CADPS2: variants seen among roughly 807,000 people sequenced by gnomAD.
CADPS2 encodes calcium dependent secretion activator 2, also known as calcium-dependent secretion activator 2.
A neutral mutation model predicts 172.5 loss-of-function variants in CADPS2; 93 were observed. That is an observed-to-expected ratio of 0.54 (90% CI 0.46 to 0.64). The LOEUF (loss-of-function observed/expected upper bound fraction) is 0.64, where lower values mean the gene tolerates loss of function less well. CADPS2 is among the 30% of genes least tolerant of loss of function. The probability of loss-of-function intolerance (pLI) is 0.00; values close to 1 mark genes in which losing one functional copy is unlikely to be tolerated. For synonymous variants in CADPS2, 546 were observed against 555.2 expected, an observed-to-expected ratio of 0.98 and a Z score of 0.23; for missense variants, 1,420 against 1,565.9, an observed-to-expected ratio of 0.91 and a Z score of 1.57.
chr7:122,572,320 A>G (rs536807188), intron 7 of CADPS2, among the ~76,000 whole-genome samples: 18 of 152,208 alleles, frequency 1.2e-4, no homozygotes, highest in Non-Finnish European at 2.5e-4. Flanking sequence ...TCCTCCTTAA[A>G]TCCTTTCAGA....
intron 2 of CADPS2, among the ~76,000 whole-genome samples, chr7:122,688,482 A>G (rs1049929013): frequency 6.6e-6 from 1 of 152,196 alleles, no homozygotes; most frequent in Non-Finnish European, 1.5e-5. Flanking sequence ...AGCTGAAAGA[A>G]AACTCAGGGA....
At chr7:122,337,194 G>C (rs1011081666) in intron 28 of CADPS2, among the ~76,000 whole-genome samples, 2 of 152,148 alleles carry the variant, frequency 1.3e-5, no homozygotes, top group Non-Finnish European at 2.9e-5. Flanking sequence ...CATTAGGATA[G>C]AAAAATAAAA....
At chr7:122,516,697 T>C (rs1160499626) in intron 8 of CADPS2, among the ~76,000 whole-genome samples, 1 of 152,078 alleles carries the variant, frequency 6.6e-6, no homozygotes, top group Middle Eastern at 3.2e-3. Context: ...ATGGGAAAAT[T>C]CTTATAATGT....
chr7:122,318,779 C>G lies in CADPS2; in HGVS notation c.*1386G>C, dbSNP rs1450339478. The G allele has an allele frequency of 6.6e-6, 1 of 152,168 alleles. No individual in the cohort carries two copies. Among genetic ancestry groups the G allele is most frequent in the Non-Finnish European group, 1.5e-5 (1 of 68,028 alleles). 9.4% of individuals were successfully genotyped at this position (152,168 alleles called of 1,614,324 possible). ...GATTAAATAGATTTTTAAGGCTAGTCTAGGTACCTAACGACCACTTATTAC... is the reference window on the plus strand; with the variant it reads ...GATTAAATAGATTTTTAAGGCTAGTGTAGGTACCTAACGACCACTTATTAC... On this transcript the variant is annotated 3_prime_UTR_variant, in exon 30 of 30. Coordinates refer to ENST00000449022, the MANE Select transcript of CADPS2 (RefSeq NM_017954.11).
At chr7:122,446,837 C>CTCT (rs1554529474) in intron 15 of CADPS2, among the ~76,000 whole-genome samples, 2 of 152,168 alleles carry the variant, frequency 1.3e-5, no homozygotes, top group Non-Finnish European at 2.9e-5. Context: ...CCTGGAAATG[C>CTCT]TCTTCTGGCA....
At chr7:122,539,759 C>CTCCCTGTCTGTTTCTCTG (rs1315875829) in intron 8 of CADPS2, among the ~76,000 whole-genome samples, 1 of 151,748 alleles carries the variant, frequency 6.6e-6, no homozygotes, top group Non-Finnish European at 1.5e-5. Context: ...CTGTCTCTCT[C>CTCCCTGTCTGTTTCTCTG]TGTCTCTGTC....
chr7:122,351,999 G>A (rs1260499568), intron 27 of CADPS2, among the ~76,000 whole-genome samples: 1 of 152,090 alleles, frequency 6.6e-6, no homozygotes, highest in Admixed American at 6.5e-5. Context: ...TAAGATATTA[G>A]CCTGAACTAC....
chr7:122,648,520 C>T (rs938827068), intron 3 of CADPS2, among the ~76,000 whole-genome samples: 2 of 152,058 alleles, frequency 1.3e-5, no homozygotes, highest in South Asian at 2.1e-4. Flanking sequence ...AACCGTCATA[C>T]ACCAAGAGCC....
intron 1 of CADPS2, among the ~76,000 whole-genome samples, chr7:122,820,810 C>T (rs1253930925): frequency 2.2e-5 from 3 of 137,756 alleles, no homozygotes; most frequent in East Asian, 2.0e-4. Context: ...CCGCCCGCCT[C>T]GGCCTCCCAA....
intron 1 of CADPS2, among the ~76,000 whole-genome samples, chr7:122,802,141 A>T (rs1797790128): frequency 6.6e-6 from 1 of 151,672 alleles, no homozygotes; most frequent in Non-Finnish European, 1.5e-5. Context: ...AAAAACTCAA[A>T]TAAGTAAAGA....
chr7:122,518,525 T>C (rs1388391171), intron 8 of CADPS2, among the ~76,000 whole-genome samples: 1 of 152,034 alleles, frequency 6.6e-6, no homozygotes. Flanking sequence ...CAAATAAACA[T>C]ATAGAAAAAT....
intron 8 of CADPS2, among the ~76,000 whole-genome samples, chr7:122,534,565 C>A (rs943847502): frequency 6.6e-6 from 1 of 151,980 alleles, no homozygotes; most frequent in Non-Finnish European, 1.5e-5. Context: ...AAATGTCAAA[C>A]TGATGATGAA....
At chr7:122,629,448 A>T (rs1056946835) in intron 3 of CADPS2, 120 bp from the exon 4 acceptor site, 1 of 518,356 alleles carries the variant, frequency 1.9e-6, no homozygotes, top group Non-Finnish European at 3.2e-6. Flanking sequence ...TGTTTAATAG[A>T]TTGTATCAGA....
At chr7:122,756,213 A>C (rs940464707) in intron 1 of CADPS2, among the ~76,000 whole-genome samples, 4 of 148,722 alleles carry the variant, frequency 2.7e-5, no homozygotes, top group African/African-American at 5.0e-5. Flanking sequence ...AAAATTATAC[A>C]AGGACTTAAT....
intron 2 of CADPS2, among the ~76,000 whole-genome samples, chr7:122,721,127 T>G (rs1416627885): frequency 1.3e-5 from 2 of 152,002 alleles, no homozygotes; most frequent in East Asian, 3.9e-4. Flanking sequence ...GACATCATTG[T>G]CTTCAGTACC....
intron 2 of CADPS2, among the ~76,000 whole-genome samples, chr7:122,727,443 C>A (rs2137359217): frequency 6.6e-6 from 1 of 151,576 alleles, no homozygotes; most frequent in South Asian, 2.1e-4. Flanking sequence ...ACCCACAGCC[C>A]ACCTATATAG....
chr7:122,650,825 C>T (rs2079076381), intron 3 of CADPS2, among the ~76,000 whole-genome samples: 1 of 152,086 alleles, frequency 6.6e-6, no homozygotes, highest in Non-Finnish European at 1.5e-5. Context: ...GACTCAAATT[C>T]ATTTTAGTAA....
rs564087559 is a variant in CADPS2, at chr7:122,859,735, C to T, written c.339+26264G>A. Among the ~76,000 whole-genome samples the T allele has an allele frequency of 5.3e-4, 81 of 152,214 alleles. 1 individual carries two copies. The highest frequency in any genetic ancestry group is 1.9e-3 in the African/African-American group (80 of 41,538). On this transcript the variant is annotated intron_variant, in intron 1 of 29. Coordinates refer to ENST00000449022, the MANE Select transcript of CADPS2 (RefSeq NM_017954.11). The stretch of plus-strand genomic sequence containing the variant: ...CATAGTATTTACATACGGTATTCTC[C>T]TGTATACTTTAAATCTTCTCCAGGT...
At chr7:122,576,596 G>A (rs762893331) in intron 7 of CADPS2, among the ~76,000 whole-genome samples, 22 of 152,064 alleles carry the variant, frequency 1.4e-4, no homozygotes, top group Non-Finnish European at 2.6e-4. Context: ...ATACATACAA[G>A]TATGCATCTG....
Sources: allele counts gnomAD v4.1 joint callset (sites outside exome capture counted in the v4.1 genomes callset), GRCh38; gene constraint gnomAD v4.1.1; transcripts MANE v1.5; gene names NCBI Gene and HGNC (gene_info 2026-07-23, HGNC 2026-07-21).